The following MYO1D variants were observed in gnomAD, a reference collection of about 807,000 sequenced individuals.
MYO1D encodes the protein unconventional myosin-Id.
In MYO1D, 83 loss-of-function variants were observed where a neutral mutation model predicts 122.0. That is an observed-to-expected ratio of 0.68 (90% CI 0.57 to 0.82). The LOEUF (loss-of-function observed/expected upper bound fraction) is 0.82, where lower values mean the gene tolerates loss of function less well. Ranked by LOEUF, MYO1D falls within the 40% of genes least tolerant of loss-of-function variation. The pLI is 0.00. For synonymous variants in MYO1D, 464 were observed against 446.9 expected (o/e 1.04, Z -0.48); for missense variants, 1,157 against 1,269.5 (o/e 0.91, Z 1.35).
At chr17:32,678,155 G>A (rs1176749706) in intron 16 of MYO1D, among the ~76,000 whole-genome samples, 1 of 151,936 alleles carries the variant, frequency 6.6e-6, no homozygotes, top group Non-Finnish European at 1.5e-5. Flanking sequence ...CTCCCTCTTT[G>A]AACTTTTCCT....
chr17:32,669,304 C>T (rs2150959516), intron 16 of MYO1D, among the ~76,000 whole-genome samples: 1 of 152,308 alleles, frequency 6.6e-6, no homozygotes, highest in East Asian at 1.9e-4. Flanking sequence ...GAAGAGTCCA[C>T]ATCGAGATGA....
intron 1 of MYO1D, among the ~76,000 whole-genome samples, chr17:32,807,162 C>T (rs1250144510): frequency 2.0e-5 from 3 of 152,056 alleles, no homozygotes; most frequent in Non-Finnish European, 4.4e-5. Flanking sequence ...AATTAATACA[C>T]AATAATCCTA....
chr17:32,805,539 G>A lies in MYO1D; in HGVS notation c.96-24755C>T, dbSNP rs750125729. On this transcript the variant is annotated intron_variant, in intron 1 of 21. Transcript: ENST00000318217. ...GAGGTGTGATTTCCTCACATATTGA[G>A]TTTGGTTTTGAAGCCAAAACCGATG... Among the ~76,000 whole-genome samples the A allele has an allele frequency of 3.3e-5, 5 of 152,110 alleles. 1 individual carries two copies. The highest frequency in any genetic ancestry group is 4.1e-4 in the South Asian group (2 of 4,824).
chr17:32,830,970 C>G (rs1036048217), intron 1 of MYO1D, among the ~76,000 whole-genome samples: 2 of 152,076 alleles, frequency 1.3e-5, no homozygotes, highest in African/African-American at 4.8e-5. Context: ...GCAGGAGAAT[C>G]GCTTGAACCC....
chr17:32,609,867 ACT>A (rs938049116), intron 20 of MYO1D, among the ~76,000 whole-genome samples: 1 of 151,896 alleles, frequency 6.6e-6, no homozygotes, highest in African/African-American at 2.4e-5. Flanking sequence ...AATATAGCAA[ACT>A]CTCTGCCACT....
Position 32,785,105 on chromosome 17 carries a change from G to A in MYO1D, c.96-4321C>T, listed in dbSNP as rs369205694. ...AAGGAAAATTGGAGTTGTTTCACGG[G>A]GAAACTGGACAGAATCTTAAAACCT... On this transcript the variant is annotated intron_variant, in intron 1 of 21. Coordinates refer to ENST00000318217, the MANE Select transcript of MYO1D (RefSeq NM_015194.3). Among the ~76,000 whole-genome samples, 28 of 152,186 alleles carry A rather than the reference G, an allele frequency of 1.8e-4. No homozygotes were observed. In the East Asian group the frequency reaches 5.4e-3, roughly 29 times the overall value.
chr17:32,563,831 T>C (rs8077016), intron 21 of MYO1D, among the ~76,000 whole-genome samples: 7,561 of 152,312 alleles, frequency 0.05, 201 homozygotes, highest in Middle Eastern at 0.075. Flanking sequence ...CTGCTACATA[T>C]TGGTTTAAGA....
intron 1 of MYO1D, among the ~76,000 whole-genome samples, chr17:32,789,249 G>C (rs2090327362): frequency 6.6e-6 from 1 of 152,148 alleles, no homozygotes; most frequent in Non-Finnish European, 1.5e-5. Context: ...CAATTTGGAT[G>C]CTCTTTCTTT....
intron 8 of MYO1D, among the ~76,000 whole-genome samples, chr17:32,761,346 C>T (rs990849559): frequency 6.6e-6 from 1 of 152,166 alleles, no homozygotes; most frequent in African/African-American, 2.4e-5. Context: ...TGAAATGGCT[C>T]ATCAAAGACT....
intron 21 of MYO1D, among the ~76,000 whole-genome samples, chr17:32,535,595 C>A (rs969326743): frequency 6.6e-6 from 1 of 151,990 alleles, no homozygotes; most frequent in African/African-American, 2.4e-5. Context: ...AAAACACACA[C>A]AAAAAATTAG....
chr17:32,649,993 T>C (rs2088366183), intron 19 of MYO1D, among the ~76,000 whole-genome samples: 1 of 152,226 alleles, frequency 6.6e-6, no homozygotes, highest in Non-Finnish European at 1.5e-5. Flanking sequence ...TTTAAAGACA[T>C]TTAAGTAAGA....
intron 20 of MYO1D, among the ~76,000 whole-genome samples, chr17:32,623,271 TA>T (rs1300674788): frequency 6.6e-6 from 1 of 152,184 alleles, no homozygotes; most frequent in Non-Finnish European, 1.5e-5. Flanking sequence ...TTTATTATAT[TA>T]AAAAAATCAG....
chr17:32,757,654 C>T (rs544200943), intron 10 of MYO1D, among the ~76,000 whole-genome samples: 116 of 152,110 alleles, frequency 7.6e-4, no homozygotes, highest in Non-Finnish European at 1.3e-3. Context: ...AAATTAAAGA[C>T]GAAGTCTTTT....
intron 19 of MYO1D, among the ~76,000 whole-genome samples, chr17:32,651,630 C>T (rs1263724258): frequency 1.3e-5 from 2 of 151,202 alleles, no homozygotes; most frequent in South Asian, 2.1e-4. Flanking sequence ...ACCACTGTTT[C>T]ACACATTTTG....
chr17:32,822,143 G>C (rs1050610308), intron 1 of MYO1D, among the ~76,000 whole-genome samples: 1 of 152,012 alleles, frequency 6.6e-6, no homozygotes, highest in Non-Finnish European at 1.5e-5. Flanking sequence ...AACAATGATA[G>C]ACTGGATTAA....
chr17:32,553,103 C>A (rs199833774), intron 21 of MYO1D, among the ~76,000 whole-genome samples: 54 of 133,224 alleles, frequency 4.1e-4, no homozygotes, highest in African/African-American at 8.5e-4. Flanking sequence ...AAAAACAAAA[C>A]AAAAAAAAAA....
At chr17:32,564,151 G>A (rs1046477442) in intron 21 of MYO1D, among the ~76,000 whole-genome samples, 1 of 152,236 alleles carries the variant, frequency 6.6e-6, no homozygotes, top group Non-Finnish European at 1.5e-5. Context: ...TGGCCTGCAG[G>A]TGCTGGAGCC....
At chr17:32,862,746 G>C (rs1463006374) in intron 1 of MYO1D, among the ~76,000 whole-genome samples, 1 of 152,214 alleles carries the variant, frequency 6.6e-6, no homozygotes, top group Non-Finnish European at 1.5e-5. Flanking sequence ...ACAGAACTAA[G>C]AACACTGACT....
chr17:32,622,517 T>A (rs908642997), intron 20 of MYO1D, among the ~76,000 whole-genome samples: 1 of 152,082 alleles, frequency 6.6e-6, no homozygotes, highest in African/African-American at 2.4e-5. Context: ...GAATAAAGTG[T>A]GTAAAGGCAT....
Sources: allele counts gnomAD v4.1 joint callset (sites outside exome capture counted in the v4.1 genomes callset), GRCh38; gene constraint gnomAD v4.1.1; transcripts MANE v1.5; gene names NCBI Gene and HGNC (gene_info 2026-07-23, HGNC 2026-07-21).